Variants in CNTN4 observed in about 807,000 individuals in gnomAD.
CNTN4 encodes contactin 4.
Under a neutral mutation model 122.5 loss-of-function variants are expected in CNTN4, and 77 were observed. That is an observed-to-expected ratio of 0.63 (90% confidence interval 0.52 to 0.76). CNTN4 has a LOEUF of 0.76. CNTN4 is among the 30% of genes least tolerant of loss of function. CNTN4 has a pLI of 0.00. For synonymous variants in CNTN4, 512 were observed against 447.0 expected, an observed-to-expected ratio of 1.15 and a Z score of -1.83; for missense variants, 1,256 against 1,259.1, an observed-to-expected ratio of 1.00 and a Z score of 0.04.
rs554392100 is a variant in CNTN4 at position 2,328,668 on chromosome 3, A to T, written c.-144-10510A>T. Among the ~76,000 whole-genome samples, 5 of 152,054 alleles carry T rather than the reference A, an allele frequency of 3.3e-5. No individual in the cohort carries two copies. In the East Asian group the frequency reaches 9.7e-4, roughly 29 times the overall value. ...ACTGCGGATCAATAATGTTTGGAAA[A>T]AAAAAACAATAAAAAATAACAAAAA... is the stretch of plus-strand genomic sequence containing the variant. On this transcript the variant is annotated intron_variant, in intron 2 of 24. Coordinates refer to ENST00000418658, the MANE Select transcript of CNTN4 (RefSeq NM_175607.3).
intron 2 of CNTN4, among the ~76,000 whole-genome samples, chr3:2,169,546 A>G (rs1166556550): frequency 1.0e-4 from 11 of 105,020 alleles, no homozygotes; most frequent in Admixed American, 3.3e-4. Context: ...AGCTGGGACT[A>G]CAGGCGCCGC....
intron 10 of CNTN4, among the ~76,000 whole-genome samples, chr3:2,894,601 C>T (rs1203761584): frequency 6.6e-6 from 1 of 152,048 alleles, no homozygotes; most frequent in Non-Finnish European, 1.5e-5. Flanking sequence ...TTATTGGTTG[C>T]ATTTGGGACT....
chr3:2,645,833 C>G (rs992281342), intron 4 of CNTN4, among the ~76,000 whole-genome samples: 1 of 152,190 alleles, frequency 6.6e-6, no homozygotes, highest in Non-Finnish European at 1.5e-5. Context: ...AACTCAGGTT[C>G]TGTTTTCACC....
chr3:2,204,971 GTATT>G (rs1412742765), intron 2 of CNTN4, among the ~76,000 whole-genome samples: 8 of 152,152 alleles, frequency 5.3e-5, no homozygotes, highest in South Asian at 2.1e-4. Flanking sequence ...TTATATGTAA[GTATT>G]TATTTATTTG....
intron 2 of CNTN4, among the ~76,000 whole-genome samples, chr3:2,251,717 T>G (rs2040386263): frequency 6.6e-6 from 1 of 151,902 alleles, no homozygotes; most frequent in Non-Finnish European, 1.5e-5. Context: ...AAAAGTTGAT[T>G]TAGTATTACT....
chr3:2,768,855 C>T (rs1055187710), intron 6 of CNTN4, among the ~76,000 whole-genome samples: 1 of 152,098 alleles, frequency 6.6e-6, no homozygotes, highest in Non-Finnish European at 1.5e-5. Context: ...ATCACCATCC[C>T]CATCTTACAC....
chr3:2,794,147 A>G (rs929206311), intron 6 of CNTN4, among the ~76,000 whole-genome samples: 3 of 152,198 alleles, frequency 2.0e-5, no homozygotes, highest in Admixed American at 6.5e-5. Context: ...AATGAAAACC[A>G]TGTGCCATGT....
intron 2 of CNTN4, among the ~76,000 whole-genome samples, chr3:2,291,385 C>A (rs2042128512): frequency 6.6e-6 from 1 of 152,180 alleles, no homozygotes; most frequent in South Asian, 2.1e-4. Flanking sequence ...TTAAAAATGA[C>A]AAATAAATTT....
chr3:2,141,761 C>T (rs1328847595), intron 2 of CNTN4, among the ~76,000 whole-genome samples: 1 of 152,034 alleles, frequency 6.6e-6, no homozygotes, highest in African/African-American at 2.4e-5. Flanking sequence ...TTACTACAAG[C>T]AGAATTACCC....
At chr3:2,847,589 C>T (rs1577039933) in intron 7 of CNTN4, among the ~76,000 whole-genome samples, 1 of 152,304 alleles carries the variant, frequency 6.6e-6, no homozygotes. Context: ...GGCACACGTC[C>T]TTCTTTACAG....
chr3:2,183,653 A>G (rs572664449), intron 2 of CNTN4, among the ~76,000 whole-genome samples: 1 of 152,254 alleles, frequency 6.6e-6, no homozygotes, highest in South Asian at 2.1e-4. Context: ...GCCAACACTG[A>G]CCTCAAATAA....
intron 7 of CNTN4, among the ~76,000 whole-genome samples, chr3:2,833,238 T>C (rs1271705879): frequency 1.3e-5 from 2 of 152,170 alleles, no homozygotes; most frequent in African/African-American, 4.8e-5. Context: ...CCAATGCAGA[T>C]TGAGGTTTGA....
chr3:2,673,010 A>C, intron 4 of CNTN4, among the ~76,000 whole-genome samples: 1 of 152,220 alleles, frequency 6.6e-6, no homozygotes, highest in East Asian at 1.9e-4. Flanking sequence ...TGACAGTACT[A>C]CTTACCGGTT....
intron 11 of CNTN4, among the ~76,000 whole-genome samples, chr3:2,902,487 T>G (rs553988334): frequency 6.6e-6 from 1 of 152,212 alleles, no homozygotes; most frequent in Non-Finnish European, 1.5e-5. Flanking sequence ...TGTGAGTGTT[T>G]TAAGCACTCT....
intron 2 of CNTN4, among the ~76,000 whole-genome samples, chr3:2,267,496 G>C (rs1029867836): frequency 6.6e-6 from 1 of 151,904 alleles, no homozygotes; most frequent in Non-Finnish European, 1.5e-5. Context: ...ATTGTTTCAC[G>C]GTTCTACAGT....
intron 2 of CNTN4, among the ~76,000 whole-genome samples, chr3:2,211,937 A>G (rs537880649): frequency 1.3e-5 from 2 of 152,262 alleles, no homozygotes; most frequent in South Asian, 4.1e-4. Flanking sequence ...CTCAGTACAG[A>G]TATTCTGATT....
chr3:2,950,423 C>G (rs1264736934), intron 13 of CNTN4, among the ~76,000 whole-genome samples: 3 of 152,190 alleles, frequency 2.0e-5, no homozygotes. Flanking sequence ...CCAAACACAT[C>G]GGTAGCTTGT....
chr3:2,737,953 G>A (rs1327395518), intron 5 of CNTN4, among the ~76,000 whole-genome samples: 1 of 152,196 alleles, frequency 6.6e-6, no homozygotes, highest in East Asian at 1.9e-4. Flanking sequence ...TAAACTGCAA[G>A]ATAGGTCTGA....
At chr3:2,847,936 C>T (rs1253607294) in intron 7 of CNTN4, among the ~76,000 whole-genome samples, 2 of 152,188 alleles carry the variant, frequency 1.3e-5, no homozygotes, top group Non-Finnish European at 2.9e-5. Context: ...ACACAGCTAA[C>T]AACTGGCAAA....
Sources: gnomAD v4.1 joint callset for allele counts (sites outside exome capture counted in the v4.1 genomes callset) on GRCh38, gnomAD v4.1.1 for gene constraint, MANE v1.5 for transcripts, NCBI Gene and HGNC (gene_info 2026-07-23, HGNC 2026-07-21) for gene names.